PAQR5: variants seen among roughly 807,000 people sequenced by gnomAD.
PAQR5 encodes the protein progestin and adipoQ receptor family member 5, also known as membrane progestin receptor gamma.
In PAQR5, 20 loss-of-function variants were observed where a neutral mutation model predicts 34.5. The observed-to-expected ratio is 0.58, with a 90% CI of 0.41 to 0.84. The LOEUF (loss-of-function observed/expected upper bound fraction) is 0.84. Ranked by LOEUF, PAQR5 falls within the 40% of genes least tolerant of loss-of-function variation. PAQR5 has a pLI of 0.00. For missense variants in PAQR5, 378 were observed against 412.7 expected (o/e 0.92, Z 0.73); for synonymous variants, 131 against 155.6 (o/e 0.84, Z 1.18).
intron 1 of PAQR5, among the ~76,000 whole-genome samples, chr15:69,329,746 A>G (rs941477695): frequency 6.6e-6 from 1 of 152,046 alleles, no homozygotes; most frequent in African/African-American, 2.4e-5. Context: ...TGGCCTCCCA[A>G]GGTGCTAGGA....
At chr15:69,349,112 G>A (rs753105500) in intron 2 of PAQR5, among the ~76,000 whole-genome samples, 19 of 152,048 alleles carry the variant, frequency 1.2e-4, no homozygotes, top group Non-Finnish European at 1.9e-4. Flanking sequence ...TGGACTGCGC[G>A]GGGAAAATTT....
chr15:69,366,859 T>G (rs1470393815), intron 3 of PAQR5, among the ~76,000 whole-genome samples: 1 of 152,186 alleles, frequency 6.6e-6, no homozygotes, highest in Non-Finnish European at 1.5e-5. Flanking sequence ...GAGCCTGTGT[T>G]TTTTAGGTAT....
intron 1 of PAQR5, among the ~76,000 whole-genome samples, chr15:69,299,629 G>T (rs1346665271): frequency 2.0e-5 from 3 of 152,170 alleles, no homozygotes; most frequent in East Asian, 1.9e-4. Context: ...GCCTCCCCCC[G>T]GCCACAGCCC....
At chr15:69,344,034 A>G (rs1260049617) in intron 2 of PAQR5, among the ~76,000 whole-genome samples, 1 of 152,034 alleles carries the variant, frequency 6.6e-6, no homozygotes, top group Non-Finnish European at 1.5e-5. Context: ...GGGTTTCACC[A>G]AGTTGCCCAG....
intron 1 of PAQR5, among the ~76,000 whole-genome samples, chr15:69,303,831 G>A (rs992948449): frequency 6.6e-6 from 1 of 152,194 alleles, no homozygotes; most frequent in Non-Finnish European, 1.5e-5. Context: ...CCCCACAGAG[G>A]AGCAGATCTT....
At chr15:69,363,501 G>C (rs914622197) in intron 3 of PAQR5, among the ~76,000 whole-genome samples, 1 of 149,866 alleles carries the variant, frequency 6.7e-6, no homozygotes, top group Admixed American at 6.7e-5. Flanking sequence ...CACTTTGCCA[G>C]GAAACAAGAA....
Position 69,299,619 on chromosome 15 carries a change from G to T in PAQR5, c.-277+563G>T, listed in dbSNP as rs768646877. Among the ~76,000 whole-genome samples the T allele has an allele frequency of 3.2e-4, 49 of 152,156 alleles. 2 individuals carry two copies. Among genetic ancestry groups the T allele is most frequent in the Non-Finnish European group, 7.4e-5 (5 of 68,016 alleles). ...GGGAGTTCCCCCTGCTCTGTCATTGGCCTCCCCCCGGCCACAGCCCCCAGC... is the reference window on the plus strand; with the variant it reads ...GGGAGTTCCCCCTGCTCTGTCATTGTCCTCCCCCCGGCCACAGCCCCCAGC... On this transcript the variant is annotated intron_variant, in intron 1 of 8. Coordinates refer to ENST00000395407, the MANE Select transcript of PAQR5 (RefSeq NM_017705.4).
At chr15:69,338,126 G>C (rs986478207) in intron 2 of PAQR5, among the ~76,000 whole-genome samples, 1 of 152,148 alleles carries the variant, frequency 6.6e-6, no homozygotes, top group African/African-American at 2.4e-5. Context: ...ACAACAAAAA[G>C]ATTGTTGTGG....
chr15:69,308,333 A>G (rs1200302597), intron 1 of PAQR5, among the ~76,000 whole-genome samples: 1 of 152,186 alleles, frequency 6.6e-6, no homozygotes, highest in Non-Finnish European at 1.5e-5. Flanking sequence ...TCTGGCCAAT[A>G]CCTTTGCACA....
At chr15:69,392,300 G>T (rs2056297783) in intron 6 of PAQR5, among the ~76,000 whole-genome samples, 1 of 152,132 alleles carries the variant, frequency 6.6e-6, no homozygotes, top group South Asian at 2.1e-4. Flanking sequence ...TTCTAGCCAG[G>T]AGTCTTCCCT....
At chr15:69,310,626 T>C (rs1193859012) in intron 1 of PAQR5, among the ~76,000 whole-genome samples, 1 of 152,244 alleles carries the variant, frequency 6.6e-6, no homozygotes, top group Non-Finnish European at 1.5e-5. Flanking sequence ...AGAGGGAATC[T>C]TGAAGTATTG....
intron 6 of PAQR5, chr15:69,391,796 C>A (rs2056281161): frequency 9.7e-6 from 4 of 413,798 alleles, no homozygotes; most frequent in South Asian, 7.0e-5. Flanking sequence ...GTGGCTCACA[C>A]CTGTAATCCC....
chr15:69,306,442 C>T (rs1229513170), intron 1 of PAQR5, among the ~76,000 whole-genome samples: 1 of 128,496 alleles, frequency 7.8e-6, no homozygotes. Flanking sequence ...TACGGAGTCT[C>T]GATCTGTTGC....
intron 1 of PAQR5, among the ~76,000 whole-genome samples, chr15:69,312,576 G>T (rs1312033226): frequency 6.6e-6 from 1 of 151,464 alleles, no homozygotes; most frequent in Non-Finnish European, 1.5e-5. Flanking sequence ...TCTGAAGTGA[G>T]CCTCAGCCCT....
At chr15:69,357,760 C>A in intron 2 of PAQR5, among the ~76,000 whole-genome samples, 1 of 152,150 alleles carries the variant, frequency 6.6e-6, no homozygotes, top group Non-Finnish European at 1.5e-5. Context: ...TCAGATAACA[C>A]TTAGAACATA....
chr15:69,397,366 C>A, intron 6 of PAQR5, 102 bp from the exon 7 acceptor site: 1 of 809,644 alleles, frequency 1.2e-6, no homozygotes, highest in Non-Finnish European at 2.2e-6. Context: ...AAATGCTTGT[C>A]CTCTGTTGAT....
Position 69,403,625 on chromosome 15 carries a change from C to T in PAQR5, c.796C>T (p.His266Tyr), listed in dbSNP as rs773405546. 2 of 1,614,098 alleles carry T rather than the reference C, an allele frequency of 1.2e-6. No homozygotes were observed. Among genetic ancestry groups the T allele is most frequent in the Admixed American group, 3.3e-5 (2 of 60,010 alleles). ...LFHVCVILATHMQMEAILLDK... is the reference protein window; with the variant it reads ...LFHVCVILATYMQMEAILLDK... ...TCACGTGTGTGTGATCCTGGCCACGCACATGCAGATGGAAGCCATACTTCT... is the reference window on the plus strand; with the variant it reads ...TCACGTGTGTGTGATCCTGGCCACGTACATGCAGATGGAAGCCATACTTCT... Residue 266 changes from histidine to tyrosine, a missense_variant, in exon 9 of 9, where the codon CAC becomes TAC. Physicochemically the swap from His to Tyr is moderately conservative, Grantham distance 83. Transcript: ENST00000395407.
In PAQR5 at chr15:69,332,303, G is replaced by C. The variant is rs143815914; in HGVS notation, c.-276-5038G>C. On this transcript the variant is annotated intron_variant, in intron 1 of 8. Transcript: ENST00000395407. Reference sequence around the variant, plus strand: ...CTTTTCAAGCCAGCTTGGCAGGCTGGTCAGTTACAAACCTTGCTACAGGTT... The same window carrying C: ...CTTTTCAAGCCAGCTTGGCAGGCTGCTCAGTTACAAACCTTGCTACAGGTT... Among the ~76,000 whole-genome samples, 120 of 152,298 alleles carry C rather than the reference G, an allele frequency of 7.9e-4. 1 individual carries two copies. The highest frequency in any genetic ancestry group is 2.3e-3 in the African/African-American group (94 of 41,554).
chr15:69,358,649 T>TTTTTTTTTTTTA (rs2055146534), intron 2 of PAQR5, among the ~76,000 whole-genome samples: 11 of 148,258 alleles, frequency 7.4e-5, no homozygotes, highest in South Asian at 2.2e-4. Context: ...TTTTTTTTTT[T>TTTTTTTTTTTTA]GAGACAGATT....
Sources: allele counts gnomAD v4.1 joint callset (sites outside exome capture counted in the v4.1 genomes callset), GRCh38; gene constraint gnomAD v4.1.1; transcripts MANE v1.5; gene names NCBI Gene and HGNC (gene_info 2026-07-23, HGNC 2026-07-21).